ZFAT: variants seen among roughly 807,000 people sequenced by gnomAD.
ZFAT encodes zinc finger protein ZFAT.
Under a neutral mutation model 117.7 loss-of-function variants are expected in ZFAT, and 64 were observed. The ratio of observed to expected loss-of-function variants is 0.54; its 90% CI spans 0.44 to 0.67. The LOEUF (loss-of-function observed/expected upper bound fraction) is 0.67. ZFAT is among the 30% of genes least tolerant of loss of function. The pLI, the probability that ZFAT is intolerant of heterozygous loss-of-function variation, is 0.00. For missense variants in ZFAT, 1,433 were observed against 1,584.5 expected (o/e 0.90, Z 1.62); for synonymous variants, 679 against 615.0 (o/e 1.10, Z -1.54).
At chr8:134,694,411 G>T (rs921307459) in intron 1 of ZFAT, among the ~76,000 whole-genome samples, 2 of 152,204 alleles carry the variant, frequency 1.3e-5, no homozygotes, top group Non-Finnish European at 2.9e-5. Flanking sequence ...CTGAGACAGA[G>T]GACAAAGCAA....
At chr8:134,693,032 T>C (rs1213491637) in intron 1 of ZFAT, among the ~76,000 whole-genome samples, 1 of 152,188 alleles carries the variant, frequency 6.6e-6, no homozygotes, top group Non-Finnish European at 1.5e-5. Flanking sequence ...GAAATACAGA[T>C]TGTGTAGGTG....
chr8:134,706,383 A>G (rs1244999474), intron 1 of ZFAT, among the ~76,000 whole-genome samples: 1 of 152,196 alleles, frequency 6.6e-6, no homozygotes, highest in African/African-American at 2.4e-5. Flanking sequence ...AAACTCATCT[A>G]TGGTGACATC....
the ZFAT span, among the ~76,000 whole-genome samples, chr8:134,775,484 C>A: frequency 1.3e-5 from 2 of 152,102 alleles, no homozygotes; most frequent in South Asian, 4.2e-4. Context: ...GGGTCCCAGG[C>A]AAAAATGGGG....
the ZFAT span, among the ~76,000 whole-genome samples, chr8:134,753,556 G>T: frequency 6.6e-6 from 1 of 152,116 alleles, no homozygotes; most frequent in South Asian, 2.1e-4. Flanking sequence ...TGTGTCCAAA[G>T]ATATTTATTA....
the ZFAT span, among the ~76,000 whole-genome samples, chr8:134,825,822 T>C: frequency 1.6e-4 from 24 of 152,132 alleles, no homozygotes; most frequent in Admixed American, 9.2e-4. Context: ...AGATCAAGAC[T>C]ATCCTGGCTA....
At chr8:134,722,348 G>C in the ZFAT span, among the ~76,000 whole-genome samples, 1 of 152,174 alleles carries the variant, frequency 6.6e-6, no homozygotes, top group Non-Finnish European at 1.5e-5. Flanking sequence ...AAGAAAACCG[G>C]GTTTGCCCTA....
chr8:134,615,378 G>A (rs895320642), intron 3 of ZFAT, among the ~76,000 whole-genome samples: 2 of 152,062 alleles, frequency 1.3e-5, no homozygotes, highest in South Asian at 2.1e-4. Context: ...TAGTAGAGAC[G>A]GGGTTTCGCC....
At chr8:134,609,231 A>G (rs1242777464) in intron 4 of ZFAT, among the ~76,000 whole-genome samples, 1 of 152,008 alleles carries the variant, frequency 6.6e-6, no homozygotes, top group Non-Finnish European at 1.5e-5. Flanking sequence ...ATATAGGATC[A>G]CCCGTGTCAA....
chr8:134,570,502 T>C (rs1824810670), intron 10 of ZFAT, among the ~76,000 whole-genome samples: 1 of 152,160 alleles, frequency 6.6e-6, no homozygotes, highest in Non-Finnish European at 1.5e-5. Flanking sequence ...TTGGTTGCAA[T>C]CACCGAAGCA....
chr8:134,557,255 G>A (rs937770490), intron 11 of ZFAT, among the ~76,000 whole-genome samples: 2 of 152,022 alleles, frequency 1.3e-5, no homozygotes, highest in African/African-American at 4.8e-5. Flanking sequence ...CCAAACTGAG[G>A]GATATTCTAT....
chr8:134,690,389 A>ACTGTGTGCTCAGGGATC (rs993475798), intron 1 of ZFAT, among the ~76,000 whole-genome samples: 10 of 152,216 alleles, frequency 6.6e-5, no homozygotes, highest in Admixed American at 1.3e-4. Flanking sequence ...TTAAAAGCTG[A>ACTGTGTGCTCAGGGATC]CTGTGTGCTC....
At chr8:134,494,383 G>A (rs908305268) in intron 15 of ZFAT, among the ~76,000 whole-genome samples, 3 of 152,026 alleles carry the variant, frequency 2.0e-5, no homozygotes, top group African/African-American at 7.3e-5. Flanking sequence ...GCAGGTGCTC[G>A]ATAAAGCTGC....
At chr8:134,736,885 CTGAG>C in the ZFAT span, among the ~76,000 whole-genome samples, 1 of 152,294 alleles carries the variant, frequency 6.6e-6, no homozygotes, top group East Asian at 1.9e-4. Context: ...CATGCCAGGC[CTGAG>C]CCATTCTTCT....
chr8:134,637,657 G>A lies in ZFAT; in HGVS notation c.252C>T (p.Ser84=), dbSNP rs566120128. The change falls in exon 3 of 16, where the codon TCC becomes TCT. Residue 84 remains serine, a synonymous_variant. Transcript: ENST00000377838. ...TTTCTGCCAGCTCCTCTTCTGTGCT[G>A]GACTTCTTCGTGGACCCCTTAGGCC... ...RGRPKGSTKK[S]STEEELAENI... is the part of the protein sequence containing the mutation. 8.1e-6 allele frequency: 13 copies of A among 1,614,118 alleles called. No individual in the cohort carries two copies. The South Asian group carries it at 1.3e-4, about 16-fold the overall frequency.
intron 1 of ZFAT, among the ~76,000 whole-genome samples, chr8:134,687,248 C>A (rs66529259): frequency 0.36 from 55,314 of 152,086 alleles, 10,117 homozygotes; most frequent in East Asian, 0.41. Flanking sequence ...ACTCCCATAG[C>A]TCACACAGTT....
intron 3 of ZFAT, among the ~76,000 whole-genome samples, chr8:134,615,637 A>G (rs1382294881): frequency 5.9e-5 from 9 of 152,086 alleles, no homozygotes; most frequent in African/African-American, 1.9e-4. Context: ...CCTGCAGCCA[A>G]AGCTGCTTCC....
chr8:134,710,817 A>T (rs1207529329), intron 1 of ZFAT, among the ~76,000 whole-genome samples: 1 of 152,234 alleles, frequency 6.6e-6, no homozygotes, highest in Non-Finnish European at 1.5e-5. Flanking sequence ...TCAGCCACAC[A>T]TATGGGCAAT....
chr8:134,785,703 C>A, the ZFAT span: 1 of 141,870 alleles, frequency 7.0e-6, no homozygotes, highest in Non-Finnish European at 1.6e-5. Flanking sequence ...CCTGGCATCA[C>A]AAGGGCTGTG....
At chr8:134,676,419 G>A (rs999539555) in intron 1 of ZFAT, among the ~76,000 whole-genome samples, 5 of 152,176 alleles carry the variant, frequency 3.3e-5, no homozygotes, top group South Asian at 2.1e-4. Flanking sequence ...ATACGCACCC[G>A]ATACAGGTGC....
Sources: allele counts gnomAD v4.1 joint callset (sites outside exome capture counted in the v4.1 genomes callset), GRCh38; gene constraint gnomAD v4.1.1; transcripts MANE v1.5; gene names NCBI Gene and HGNC (gene_info 2026-07-23, HGNC 2026-07-21).